The following SPOCK1 variants were observed in gnomAD, a reference collection of about 807,000 sequenced individuals.
SPOCK1 encodes the protein SPARC (osteonectin), cwcv and kazal like domains proteoglycan 1.
A neutral mutation model predicts 55.3 loss-of-function variants in SPOCK1; 23 were observed. That is an observed-to-expected ratio of 0.42 (90% confidence interval 0.30 to 0.59). The LOEUF (loss-of-function observed/expected upper bound fraction) is 0.59, where lower values mean the gene tolerates loss of function less well. Among genes scored for constraint, SPOCK1 ranks in the 20% least tolerant of loss-of-function variants. The pLI is 0.22. For synonymous variants in SPOCK1, 226 were observed against 221.0 expected (o/e 1.02, Z -0.20); for missense variants, 499 against 552.5 (o/e 0.90, Z 0.97).
chr5:137,337,143 T>C (rs1300694056), intron 2 of SPOCK1, among the ~76,000 whole-genome samples: 2 of 152,182 alleles, frequency 1.3e-5, no homozygotes, highest in African/African-American at 2.4e-5. Flanking sequence ...TTGCAAAAAG[T>C]AATTCTAGGC....
At chr5:137,322,233 T>C (rs1300077461) in intron 2 of SPOCK1, among the ~76,000 whole-genome samples, 1 of 151,602 alleles carries the variant, frequency 6.6e-6, no homozygotes, top group East Asian at 1.9e-4. Context: ...CTCAGGAGAC[T>C]GAGGTAAGAG....
chr5:137,334,080 C>G (rs1169122748), intron 2 of SPOCK1, among the ~76,000 whole-genome samples: 1 of 152,132 alleles, frequency 6.6e-6, no homozygotes, highest in Non-Finnish European at 1.5e-5. Flanking sequence ...TGGAGGCATT[C>G]CTCTCTCCCT....
chr5:137,136,787 T>C (rs1476715864), intron 4 of SPOCK1, among the ~76,000 whole-genome samples: 1 of 152,182 alleles, frequency 6.6e-6, no homozygotes, highest in Non-Finnish European at 1.5e-5. Context: ...TTTAGAGAAC[T>C]TGAAAGATGA....
chr5:137,471,913 G>T (rs1369845577), intron 2 of SPOCK1, among the ~76,000 whole-genome samples: 1 of 152,186 alleles, frequency 6.6e-6, no homozygotes, highest in Non-Finnish European at 1.5e-5. Flanking sequence ...TGGGACCTGA[G>T]GGCATGGGAA....
At chr5:137,212,656 C>T (rs1755638634) in intron 3 of SPOCK1, among the ~76,000 whole-genome samples, 1 of 152,136 alleles carries the variant, frequency 6.6e-6, no homozygotes, top group Admixed American at 6.5e-5. Flanking sequence ...CTTTTTTAGT[C>T]CATGACTGAC....
chr5:137,449,540 G>C (rs1753205473), intron 2 of SPOCK1, among the ~76,000 whole-genome samples: 1 of 152,066 alleles, frequency 6.6e-6, no homozygotes. Flanking sequence ...AGAGCCTCTT[G>C]CCTCTCTAAG....
At chr5:137,056,121 TG>T (rs1752294250) in intron 6 of SPOCK1, among the ~76,000 whole-genome samples, 1 of 152,188 alleles carries the variant, frequency 6.6e-6, no homozygotes, top group East Asian at 1.9e-4. Flanking sequence ...TGCACTGTCC[TG>T]GGCATGGTAC....
intron 4 of SPOCK1, among the ~76,000 whole-genome samples, chr5:137,119,377 A>G (rs1376994931): frequency 6.6e-6 from 1 of 152,250 alleles, no homozygotes; most frequent in Non-Finnish European, 1.5e-5. Flanking sequence ...TAACCATTGA[A>G]ATAATCTGTC....
chr5:137,217,738 C>T (rs923338889), intron 3 of SPOCK1, among the ~76,000 whole-genome samples: 2 of 152,122 alleles, frequency 1.3e-5, no homozygotes, highest in African/African-American at 4.8e-5. Context: ...GTACTTAAAA[C>T]GCCTGACTCA....
At chr5:137,464,877 T>C (rs915476878) in intron 2 of SPOCK1, among the ~76,000 whole-genome samples, 1 of 152,054 alleles carries the variant, frequency 6.6e-6, no homozygotes, top group Admixed American at 6.5e-5. Context: ...TCCTAGTGAA[T>C]TAAATTATCC....
intron 2 of SPOCK1, among the ~76,000 whole-genome samples, chr5:137,482,723 G>A (rs571511390): frequency 2.2e-4 from 34 of 152,278 alleles, no homozygotes; most frequent in African/African-American, 7.2e-4. Context: ...AAGGATCATC[G>A]CGTTGGAAAT....
intron 2 of SPOCK1, among the ~76,000 whole-genome samples, chr5:137,336,670 C>G (rs2127153849): frequency 6.6e-6 from 1 of 152,252 alleles, no homozygotes; most frequent in South Asian, 2.1e-4. Flanking sequence ...GCACAAACTA[C>G]CCTCTCTGCC....
chr5:137,130,705 C>G (rs1016349992), intron 4 of SPOCK1, among the ~76,000 whole-genome samples: 2 of 152,200 alleles, frequency 1.3e-5, no homozygotes, highest in Non-Finnish European at 2.9e-5. Flanking sequence ...TGTCACTGTT[C>G]CGAAGCTAGA....
chr5:137,190,486 C>A (rs560425454), intron 3 of SPOCK1, among the ~76,000 whole-genome samples: 2 of 152,060 alleles, frequency 1.3e-5, no homozygotes, highest in Admixed American at 1.3e-4. Flanking sequence ...AAGGTATGTA[C>A]ATTGATTTTT....
chr5:137,298,641 T>C lies in SPOCK1; in HGVS notation c.187-31586A>G, dbSNP rs912701995. ...ATCTGTTTATTTCTTCCTATACTTG[T>C]CTGGTTTTGTTCAAATAATTTGAAG... On this transcript the variant is annotated intron_variant, in intron 2 of 10. Coordinates refer to ENST00000394945, the MANE Select transcript of SPOCK1 (RefSeq NM_004598.4). 4.6e-5 allele frequency among the ~76,000 whole-genome samples: 7 copies of C among 152,194 alleles called. 1 individual carries two copies. The highest frequency in any genetic ancestry group is 1.7e-4 in the African/African-American group (7 of 41,448).
intron 2 of SPOCK1, among the ~76,000 whole-genome samples, chr5:137,465,400 C>T (rs1188186124): frequency 6.6e-6 from 1 of 152,098 alleles, no homozygotes; most frequent in African/African-American, 2.4e-5. Flanking sequence ...AATCCAAGTT[C>T]CATTCAAATT....
At chr5:137,293,381 G>C (rs184986570) in intron 2 of SPOCK1, among the ~76,000 whole-genome samples, 1 of 152,270 alleles carries the variant, frequency 6.6e-6, no homozygotes, top group Non-Finnish European at 1.5e-5. Context: ...CAATTCTGTA[G>C]CTTGCATCAT....
intron 2 of SPOCK1, among the ~76,000 whole-genome samples, chr5:137,326,283 A>C (rs1758075788): frequency 1.3e-5 from 2 of 152,018 alleles, no homozygotes; most frequent in African/African-American, 4.8e-5. Flanking sequence ...TGCATCCAAA[A>C]AAAAAAAAAA....
chr5:137,154,872 T>C (rs556645109), intron 3 of SPOCK1, among the ~76,000 whole-genome samples: 1 of 152,290 alleles, frequency 6.6e-6, no homozygotes, highest in Non-Finnish European at 1.5e-5. Flanking sequence ...ACACGTGTGA[T>C]AGAAATTATG....
Sources: gnomAD v4.1 joint callset for allele counts (sites outside exome capture counted in the v4.1 genomes callset) on GRCh38, gnomAD v4.1.1 for gene constraint, MANE v1.5 for transcripts, NCBI Gene and HGNC (gene_info 2026-07-23, HGNC 2026-07-21) for gene names.